The following MYO5A variants were observed in gnomAD, a reference collection of about 807,000 sequenced individuals.
MYO5A encodes unconventional myosin-Va.
Under a neutral mutation model 249.7 loss-of-function variants are expected in MYO5A, and 98 were observed. The observed-to-expected ratio is 0.39, with a 90% CI of 0.33 to 0.46. The LOEUF (loss-of-function observed/expected upper bound fraction) is 0.46. Among genes scored for constraint, MYO5A ranks in the 20% least tolerant of loss-of-function variants. The pLI is 0.98. For missense variants in MYO5A, 1,696 were observed against 2,308.8 expected (o/e 0.73, Z 5.44); for synonymous variants, 778 against 810.6 (o/e 0.96, Z 0.68).
Position 52,340,647 on chromosome 15 carries a change from C to A in MYO5A, c.4041-253G>T, listed in dbSNP as rs578167923. 3.7e-4 allele frequency among the ~76,000 whole-genome samples: 57 copies of A among 152,250 alleles called. 1 individual carries two copies. The South Asian group carries it at 0.011, about 29-fold the overall frequency. Reference sequence around the variant, plus strand: ...TAAGAAACAGGAGAGTTTTAGTTCTCTTGAAAGGTTCATAGGAGGCCGGGT... The same window carrying A: ...TAAGAAACAGGAGAGTTTTAGTTCTATTGAAAGGTTCATAGGAGGCCGGGT... On this transcript the variant is annotated intron_variant, in intron 31 of 41. Transcript: ENST00000399233.
rs146098361 is a variant in MYO5A, at chr15:52,408,408, C to T, written c.757-268G>A. Among the ~76,000 whole-genome samples, 36 of 151,798 alleles carry T rather than the reference C, an allele frequency of 2.4e-4. 1 individual carries two copies. Among genetic ancestry groups the T allele is most frequent in the African/African-American group, 6.5e-4 (27 of 41,384 alleles). ...TAGTGAACAGCTTGATATATGTCAA[C>T]AATCATAAGATAATCAGTGCTTTTG... On this transcript the variant is annotated intron_variant, in intron 6 of 41. Coordinates refer to ENST00000399233, the MANE Select transcript of MYO5A (RefSeq NM_001382347.1).
Position 52,351,394 on chromosome 15 carries a change from C to T in MYO5A, c.3709G>A (p.Val1237Met), listed in dbSNP as rs2141019724. The T allele has an allele frequency of 6.2e-7, 1 of 1,614,186 alleles. No homozygotes were observed. The highest frequency in any genetic ancestry group is 8.5e-7 in the Non-Finnish European group (1 of 1,180,026). ...TAGGCAGGTGCACCTGGGGCGGTCACCTCTGGGGCACTTTTCTCACTGAGG... is the reference window on the plus strand; with the variant it reads ...TAGGCAGGTGCACCTGGGGCGGTCATCTCTGGGGCACTTTTCTCACTGAGG... ...KALSEKSAPE[V>M]TAPGAPAYRV... Residue 1237 changes from valine to methionine, a missense_variant, in exon 28 of 42, where the codon GTG becomes ATG. Around this residue, in one of 5 missense-constraint regions of MYO5A, gnomAD observed 625 missense variants for 908.1 expected, o/e 0.69. Transcript: ENST00000399233.
At position 52,312,378 on chromosome 15, in the gene MYO5A, T is replaced by G. The variant is rs962110611; in HGVS notation, c.*1318A>C. The stretch of plus-strand genomic sequence containing the variant: ...GATAGTGAGTGAGATTCTTTTTTTT[T>G]CCAAGGCAGTGTCTCTCTCTGTCAC... On this transcript the variant is annotated 3_prime_UTR_variant, in exon 42 of 42. Transcript: ENST00000399233. The G allele has an allele frequency of 3.3e-5, 5 of 152,200 alleles. No individual in the cohort carries two copies. In the East Asian group the frequency reaches 9.6e-4, roughly 29 times the overall value. The allele number at this position is 152,200 out of a possible 1,614,324, so 9.4% of individuals were successfully genotyped here. A position where few individuals can be genotyped will look rare whatever the true frequency, so the allele number is the denominator to read the frequency against.
Position 52,317,195 on chromosome 15 carries a change from C to T in MYO5A, c.5262G>A (p.Trp1754Ter), listed in dbSNP as rs2140915867. ...IRYNVSQLEE[W>*]LRDKNLMNSG... The stretch of plus-strand genomic sequence containing the variant: ...TATTCATCAGATTCTTGTCACGCAG[C>T]CATTCTTCCAGTTGACTGACATTGT... Residue 1754 changes from tryptophan (W) to a stop codon, truncating the protein, a stop_gained, in exon 40 of 42, where the codon TGG (tryptophan) becomes TGA (stop). Transcript: ENST00000399233. LOFTEE classifies it high-confidence loss of function. 6.2e-7 allele frequency: 1 copy of T among 1,614,024 alleles called. No homozygotes were observed. Among genetic ancestry groups the T allele is most frequent in the Non-Finnish European group, 8.5e-7 (1 of 1,180,002 alleles).
intron 5 of MYO5A, among the ~76,000 whole-genome samples, chr15:52,411,915 T>C (rs900958361): frequency 2.6e-5 from 4 of 152,228 alleles, no homozygotes; most frequent in African/African-American, 9.6e-5. Context: ...AATATCTTCC[T>C]GGCAAAATTA....
In MYO5A at chr15:52,310,204, A is replaced by C. The variant is rs1170721068; in HGVS notation, c.*3492T>G. 6.6e-6 allele frequency: 1 copy of C among 152,236 alleles called. No individual in the cohort carries two copies. Among genetic ancestry groups the C allele is most frequent in the Admixed American group, 6.5e-5 (1 of 15,290 alleles). 9.4% of individuals were successfully genotyped at this position (152,236 alleles called of 1,614,324 possible). On this transcript the variant is annotated 3_prime_UTR_variant, in exon 42 of 42. Transcript: ENST00000399233. ...TTTGTGCTTCTGCACCTGACAAAAG[A>C]AGCATCAGATATGTGGAAATTTTTT...
chr15:52,363,665 C>A (rs982173541), intron 24 of MYO5A, among the ~76,000 whole-genome samples: 1 of 152,126 alleles, frequency 6.6e-6, no homozygotes, highest in African/African-American at 2.4e-5. Context: ...TATTTCAGGG[C>A]ATTTCTGGTC....
rs36207943 is a variant in MYO5A, at chr15:52,371,878, GTAA to G, written c.2817+243_2817+245del. On this transcript the variant is annotated intron_variant, in intron 21 of 41. Coordinates refer to ENST00000399233, the MANE Select transcript of MYO5A (RefSeq NM_001382347.1). Reference sequence around the variant, plus strand: ...GAGTGAGACCCTGTCTCAAATAATAGTAATAATAATAATAATAATAATAATAAT... The same window carrying G: ...GAGTGAGACCCTGTCTCAAATAATAGTAATAATAATAATAATAATAATAAT... Among the ~76,000 whole-genome samples, 19,676 of 142,876 alleles carry G rather than the reference GTAA, an allele frequency of 0.14. 1,511 individuals are homozygous for G. Among genetic ancestry groups the G allele is most frequent in the Admixed American group, 0.24 (3,334 of 14,126 alleles). 93.7% of individuals were successfully genotyped at this position (142,876 alleles called of 152,430 possible). A position where few individuals can be genotyped will look rare whatever the true frequency, so the allele number is the denominator to read the frequency against.
At chr15:52,476,515 T>G (rs1344797143) in intron 1 of MYO5A, among the ~76,000 whole-genome samples, 2 of 152,220 alleles carry the variant, frequency 1.3e-5, no homozygotes, top group African/African-American at 4.8e-5. Flanking sequence ...TGGCATGTTT[T>G]TGCAGTGGCT....
Position 52,367,015 on chromosome 15 carries a change from C to A in MYO5A, c.3160+16G>T. On this transcript the variant is annotated intron_variant, in intron 23 of 41. Coordinates refer to ENST00000399233, the MANE Select transcript of MYO5A (RefSeq NM_001382347.1). ...GTGTGAGGTTGGTTGGCGTGTAGTA[C>A]GCATATAAGCTTTACCTGTCATCTC... The A allele has an allele frequency of 6.2e-7, 1 of 1,605,408 alleles. No individual in the cohort carries two copies. The highest frequency in any genetic ancestry group is 2.2e-5 in the East Asian group (1 of 44,818).
chr15:52,508,976 A>AC lies in MYO5A; in HGVS notation c.27+19803_27+19804insG, dbSNP rs2077333357. 5.5e-5 allele frequency among the ~76,000 whole-genome samples: 8 copies of AC among 145,352 alleles called. No individual in the cohort carries two copies. The East Asian group carries it at 1.0e-3, about 18-fold the overall frequency. ...GGAAGTGGATTCAACTTTTTTTGTA[A>AC]TTTTTTTTTTTTTGAGACAGAGTCT... On this transcript the variant is annotated intron_variant, in intron 1 of 41. Transcript: ENST00000399233.
chr15:52,528,949 C>CG (rs1219816720), upstream of MYO5A: 1 of 489,352 alleles, frequency 2.0e-6, no homozygotes, highest in Non-Finnish European at 2.7e-6. Flanking sequence ...CCGCGCGGGG[C>CG]GGGGCGGGGC....
In MYO5A at chr15:52,389,674, C is replaced by T. The variant is rs150211063; in HGVS notation, c.1543-311G>A. On this transcript the variant is annotated intron_variant, in intron 12 of 41. Transcript: ENST00000399233. The stretch of plus-strand genomic sequence containing the variant: ...TGTTTTTTAAAAAACAAAAGCTGGC[C>T]GGGCGTGGTGGCTCATGCCTGTAAT... 6.1e-3 allele frequency among the ~76,000 whole-genome samples: 933 copies of T among 152,110 alleles called. 10 individuals are homozygous for T. The highest frequency in any genetic ancestry group is 0.021 in the African/African-American group (892 of 41,496).
chr15:52,439,438 T>C (rs2075739034), intron 1 of MYO5A, among the ~76,000 whole-genome samples: 2 of 152,236 alleles, frequency 1.3e-5, no homozygotes, highest in Admixed American at 6.5e-5. Context: ...ATTTTAGTTA[T>C]TTATGAATCT....
At chr15:52,333,859 T>C (rs914931811) in intron 34 of MYO5A, among the ~76,000 whole-genome samples, 3 of 152,248 alleles carry the variant, frequency 2.0e-5, no homozygotes, top group African/African-American at 4.8e-5. Flanking sequence ...GCCTGTATTT[T>C]CTGTGTAACA....
At chr15:52,477,522 T>G (rs1325058637) in intron 1 of MYO5A, among the ~76,000 whole-genome samples, 1 of 152,244 alleles carries the variant, frequency 6.6e-6, no homozygotes, top group Non-Finnish European at 1.5e-5. Context: ...CTGCTCTGAT[T>G]TCTCCCCATC....
chr15:52,422,085 T>C (rs2043819196), intron 4 of MYO5A, among the ~76,000 whole-genome samples: 1 of 152,052 alleles, frequency 6.6e-6, no homozygotes, highest in Non-Finnish European at 1.5e-5. Context: ...GGCAAGAATG[T>C]CAAACAAGAA....
intron 20 of MYO5A, 39 bp from the exon 21 acceptor site, chr15:52,372,402 G>A (rs1176112894): frequency 1.3e-6 from 2 of 1,597,212 alleles, no homozygotes; most frequent in Admixed American, 3.3e-5. Context: ...TCAAGACCCT[G>A]GACTACACTC....
chr15:52,333,381 G>C (rs1468416855), intron 34 of MYO5A, among the ~76,000 whole-genome samples: 14 of 152,182 alleles, frequency 9.2e-5, no homozygotes, highest in Admixed American at 9.2e-4. Flanking sequence ...TCAAGTTTGA[G>C]ACAATCAGAT....
Sources: allele counts gnomAD v4.1 joint callset (sites outside exome capture counted in the v4.1 genomes callset), GRCh38; gene constraint gnomAD v4.1.1; regional missense constraint gnomAD v4.1.1; transcripts MANE v1.5; gene names NCBI Gene and HGNC (gene_info 2026-07-23, HGNC 2026-07-21).